The following TNPO1 variants were observed in gnomAD, a reference collection of about 807,000 sequenced individuals.
TNPO1 encodes transportin 1, also known as transportin-1.
A neutral mutation model predicts 119.5 loss-of-function variants in TNPO1; 8 were observed. That is an observed-to-expected ratio of 0.07 (90% confidence interval 0.04 to 0.12). The LOEUF is 0.12. Ranked by LOEUF, TNPO1 falls within the 10% of genes least tolerant of loss-of-function variation. The pLI is 1.00. For missense variants in TNPO1, 576 were observed against 1,089.8 expected, an observed-to-expected ratio of 0.53 and a Z score of 6.64; for synonymous variants, 362 against 363.0, an observed-to-expected ratio of 1.00 and a Z score of 0.03.
chr5:72,881,917 CA>C (rs1180220171), intron 9 of TNPO1, among the ~76,000 whole-genome samples: 1 of 152,030 alleles, frequency 6.6e-6, no homozygotes, highest in Non-Finnish European at 1.5e-5. Context: ...TTTTTGTCTT[CA>C]AAAAACAAAA....
intron 1 of TNPO1, among the ~76,000 whole-genome samples, chr5:72,835,707 C>G (rs564506504): frequency 5.2e-4 from 79 of 152,232 alleles, no homozygotes; most frequent in Non-Finnish European, 8.4e-4. Flanking sequence ...CTGCCCCTGG[C>G]CCCCCAAAAT....
chr5:72,905,221 C>A, intron 23 of TNPO1, 82 bp from the exon 24 acceptor site: 1 of 1,003,138 alleles, frequency 1.0e-6, no homozygotes, highest in Non-Finnish European at 1.5e-6. Context: ...ATAAAAAAAT[C>A]AGCTGTGTTG....
Position 72,893,126 on chromosome 5 carries a change from T to C in TNPO1, c.1789-13T>C. The C allele has an allele frequency of 6.2e-7, 1 of 1,603,748 alleles. No individual in the cohort carries two copies. The highest frequency in any genetic ancestry group is 8.5e-7 in the Non-Finnish European group (1 of 1,174,200). ...ACCCAGAAAGTTTAGCATGTGTACT[T>C]TATTCTTCCTAGTGCCTATCTTCAG... On this transcript the variant is annotated splice_polypyrimidine_tract_variant and intron_variant, in intron 15 of 24. Transcript: ENST00000337273.
intron 5 of TNPO1, among the ~76,000 whole-genome samples, chr5:72,864,839 C>T (rs1746759058): frequency 1.3e-5 from 2 of 151,998 alleles, no homozygotes; most frequent in Non-Finnish European, 2.9e-5. Flanking sequence ...GAACTCCTGA[C>T]CTCAGGTAAT....
At chr5:72,869,628 G>A (rs1747226827) in intron 6 of TNPO1, among the ~76,000 whole-genome samples, 1 of 152,168 alleles carries the variant, frequency 6.6e-6, no homozygotes, top group African/African-American at 2.4e-5. Flanking sequence ...CCTGGAATAT[G>A]CAGACTTTCA....
intron 21 of TNPO1, 137 bp downstream of exon 21, chr5:72,900,218 C>T: frequency 1.4e-6 from 1 of 709,278 alleles, no homozygotes; most frequent in Non-Finnish European, 2.3e-6. Context: ...TAATCTTGTC[C>T]TATCAGGTTT....
chr5:72,888,512 A>G (rs1748818897), intron 13 of TNPO1, among the ~76,000 whole-genome samples: 1 of 152,112 alleles, frequency 6.6e-6, no homozygotes, highest in Non-Finnish European at 1.5e-5. Context: ...AGCGTATTTT[A>G]TACATTTTGT....
At chr5:72,836,131 A>G (rs1264999732) in intron 1 of TNPO1, among the ~76,000 whole-genome samples, 1 of 152,134 alleles carries the variant, frequency 6.6e-6, no homozygotes, top group Non-Finnish European at 1.5e-5. Flanking sequence ...TGGCTCTTTC[A>G]GTCTAAGGGG....
chr5:72,873,444 C>T (rs1241786317), intron 7 of TNPO1, among the ~76,000 whole-genome samples: 2 of 152,002 alleles, frequency 1.3e-5, no homozygotes, highest in African/African-American at 4.8e-5. Flanking sequence ...TACTTTTTTT[C>T]TCGTCACTTA....
chr5:72,822,418 G>A (rs1744003047), intron 1 of TNPO1, among the ~76,000 whole-genome samples: 2 of 151,646 alleles, frequency 1.3e-5, no homozygotes, highest in East Asian at 1.9e-4. Context: ...ATATCGGTAC[G>A]GCTATTTTAA....
intron 18 of TNPO1, among the ~76,000 whole-genome samples, chr5:72,895,265 T>G (rs150050417): frequency 1.6e-4 from 24 of 152,320 alleles, no homozygotes; most frequent in Admixed American, 6.5e-4. Context: ...ATACAGAGAC[T>G]GAGGTTTAAT....
At chr5:72,866,625 A>T (rs528795335) in intron 6 of TNPO1, among the ~76,000 whole-genome samples, 2 of 152,032 alleles carry the variant, frequency 1.3e-5, no homozygotes, top group East Asian at 3.9e-4. Flanking sequence ...ATGGTGTCAC[A>T]CACCTGTGGT....
In TNPO1 at chr5:72,893,636, A is replaced by G; in HGVS notation, c.2076A>G (p.Arg692=). The G allele has an allele frequency of 6.2e-7, 1 of 1,614,250 alleles. No homozygotes were observed. The highest frequency in any genetic ancestry group is 8.5e-7 in the Non-Finnish European group (1 of 1,180,046). The change falls in exon 18 of 25, where the codon CGA becomes CGG. Residue 692 remains arginine (R), a synonymous_variant. Coordinates refer to ENST00000337273, the MANE Select transcript of TNPO1 (RefSeq NM_002270.4). ...TGTAGGATAAAATGCCAGAAGTTCGACAGAGTTCTTTTGCCCTGTTAGGTG... is the reference window on the plus strand; with the variant it reads ...TGTAGGATAAAATGCCAGAAGTTCGGCAGAGTTCTTTTGCCCTGTTAGGTG... ...QCMQDKMPEV[R]QSSFALLGDL...
intron 11 of TNPO1, among the ~76,000 whole-genome samples, chr5:72,884,862 A>G (rs1356455298): frequency 6.6e-6 from 1 of 152,160 alleles, no homozygotes; most frequent in Non-Finnish European, 1.5e-5. Flanking sequence ...CTACCCAAAG[A>G]TGCCAGCAGC....
Position 72,816,705 on chromosome 5 carries a change from C to A in TNPO1, c.-33C>A. 1 of 1,560,618 alleles carries A rather than the reference C, an allele frequency of 6.4e-7. No homozygotes were observed. The highest frequency in any genetic ancestry group is 8.7e-7 in the Non-Finnish European group (1 of 1,155,532). On this transcript the variant is annotated 5_prime_UTR_variant, in exon 1 of 25. Coordinates refer to ENST00000337273, the MANE Select transcript of TNPO1 (RefSeq NM_002270.4). ...CCCCGGACAGGAGGCAGTGCCGCTT[C>A]GGCCGAAGGCCCGAGCGCCCGAGGC...
intron 7 of TNPO1, 137 bp downstream of exon 7, chr5:72,872,857 T>A: frequency 1.9e-6 from 1 of 518,734 alleles, no homozygotes; most frequent in Non-Finnish European, 3.3e-6. Context: ...ATTAAATTAT[T>A]TCTGATAGTA....
intron 7 of TNPO1, among the ~76,000 whole-genome samples, chr5:72,873,572 A>G (rs892067335): frequency 2.6e-5 from 4 of 152,138 alleles, no homozygotes; most frequent in East Asian, 1.9e-4. Context: ...TTTACTGACT[A>G]CTACCTACTA....
At chr5:72,868,956 C>T (rs150269964) in intron 6 of TNPO1, among the ~76,000 whole-genome samples, 2,615 of 151,278 alleles carry the variant, frequency 0.017, 55 homozygotes, top group Non-Finnish European at 0.025. Flanking sequence ...TGCAGTGAGC[C>T]GAGATCGTGC....
At chr5:72,865,511 A>T in intron 5 of TNPO1, 85 bp from the exon 6 acceptor site, 1 of 1,436,926 alleles carries the variant, frequency 7.0e-7, no homozygotes, top group South Asian at 1.2e-5. Context: ...ACATTAGTCC[A>T]TACAAATTAA....
Sources: allele counts gnomAD v4.1 joint callset (sites outside exome capture counted in the v4.1 genomes callset), GRCh38; gene constraint gnomAD v4.1.1; transcripts MANE v1.5; gene names NCBI Gene and HGNC (gene_info 2026-07-23, HGNC 2026-07-21).